PLOD2: variants seen among roughly 807,000 people sequenced by gnomAD.
PLOD2 encodes procollagen-lysine,2-oxoglutarate 5-dioxygenase 2, also known as lysine hydroxylase 2.
PLOD2 carries 65 observed loss-of-function variants against 101.0 expected under a neutral mutation model. That is an observed-to-expected ratio of 0.64 (90% CI 0.53 to 0.79). PLOD2 has a LOEUF of 0.79. Among genes scored for constraint, PLOD2 ranks in the 30% least tolerant of loss-of-function variants. The pLI is 0.00. For synonymous variants in PLOD2, 314 were observed against 302.9 expected, an observed-to-expected ratio of 1.04 and a Z score of -0.38; for missense variants, 909 against 914.6, an observed-to-expected ratio of 0.99 and a Z score of 0.08.
intron 3 of PLOD2, among the ~76,000 whole-genome samples, chr3:146,119,509 G>C (rs923491004): frequency 6.6e-6 from 1 of 151,862 alleles, no homozygotes; most frequent in South Asian, 2.1e-4. Flanking sequence ...AGTTACATAT[G>C]TATACATGTG....
chr3:146,130,429 A>G (rs1264279853), intron 1 of PLOD2, among the ~76,000 whole-genome samples: 1 of 152,206 alleles, frequency 6.6e-6, no homozygotes, highest in African/African-American at 2.4e-5. Flanking sequence ...ATGTGAGATT[A>G]AAGTCTCTCT....
intron 12 of PLOD2, among the ~76,000 whole-genome samples, chr3:146,080,174 A>G (rs923837317): frequency 2.6e-5 from 4 of 151,994 alleles, no homozygotes; most frequent in Admixed American, 6.6e-5. Context: ...AGGGTGATAC[A>G]TTCCATGACC....
intron 4 of PLOD2, among the ~76,000 whole-genome samples, chr3:146,106,855 C>T (rs539517309): frequency 9.9e-5 from 15 of 152,196 alleles, no homozygotes; most frequent in African/African-American, 3.6e-4. Context: ...CTACCAACTG[C>T]AAAACAGAAA....
In PLOD2 at chr3:146,074,454, T is replaced by C. The variant is rs370239690; in HGVS notation, c.1678-1102A>G. Reference sequence around the variant, plus strand: ...ATACCATAATTTATGTCACTGGTTTTGCATATCTGTTTATATGTAACTCAA... The same window carrying C: ...ATACCATAATTTATGTCACTGGTTTCGCATATCTGTTTATATGTAACTCAA... On this transcript the variant is annotated intron_variant, in intron 15 of 19. Coordinates refer to ENST00000282903, the MANE Select transcript of PLOD2 (RefSeq NM_182943.3). Among the ~76,000 whole-genome samples, 78 of 151,598 alleles carry C rather than the reference T, an allele frequency of 5.1e-4. No individual in the cohort carries two copies. In the East Asian group the frequency reaches 0.012, roughly 23 times the overall value.
chr3:146,083,571 C>T (rs369976548), intron 11 of PLOD2, among the ~76,000 whole-genome samples: 3 of 131,944 alleles, frequency 2.3e-5, no homozygotes, highest in Non-Finnish European at 3.2e-5. Context: ...GCAGGTAAGT[C>T]TTTTTCTTTT....
intron 1 of PLOD2, among the ~76,000 whole-genome samples, chr3:146,149,442 A>T (rs1163535036): frequency 6.6e-6 from 1 of 152,124 alleles, no homozygotes; most frequent in Non-Finnish European, 1.5e-5. Flanking sequence ...TTTTATCTCA[A>T]CATGAAAAAA....
Position 146,076,855 on chromosome 3 carries a change from C to T in PLOD2, c.1604G>A (p.Arg535Lys), listed in dbSNP as rs1406434450. 1 of 1,587,330 alleles carries T rather than the reference C, an allele frequency of 6.3e-7. No individual in the cohort carries two copies. The highest frequency in any genetic ancestry group is 8.6e-7 in the Non-Finnish European group (1 of 1,157,252). ...ATTGTAATTAGCAGTGGATAATAGC[C>T]TTCCAAATTCATGTCTATTAGAAAT... is the stretch of plus-strand genomic sequence containing the variant. ...MYISNRHEFGRLLSTANYNTS... is the reference protein window; with the variant it reads ...MYISNRHEFGKLLSTANYNTS... The change falls in exon 15 of 20, where the codon AGG becomes AAG. Residue 535 changes from arginine (R) to lysine (K), a missense_variant. Physicochemically the swap from Arg to Lys is conservative, Grantham distance 26 (BLOSUM62 2). Transcript: ENST00000282903.
intron 1 of PLOD2, among the ~76,000 whole-genome samples, chr3:146,143,184 T>C (rs1405542800): frequency 6.6e-6 from 1 of 151,988 alleles, no homozygotes; most frequent in Non-Finnish European, 1.5e-5. Context: ...TGAATAAACA[T>C]TTAGATAACA....
At chr3:146,081,139 T>C (rs1936526319) in intron 12 of PLOD2, among the ~76,000 whole-genome samples, 1 of 152,170 alleles carries the variant, frequency 6.6e-6, no homozygotes. Flanking sequence ...ACTATTTCAA[T>C]TGTGATTATT....
At chr3:146,114,189 T>G (rs1937783998) in intron 3 of PLOD2, among the ~76,000 whole-genome samples, 1 of 152,050 alleles carries the variant, frequency 6.6e-6, no homozygotes, top group Non-Finnish European at 1.5e-5. Flanking sequence ...AATTTTAATT[T>G]CGCCCCGGTC....
chr3:146,150,165 C>T (rs894684115), intron 1 of PLOD2, among the ~76,000 whole-genome samples: 4 of 152,142 alleles, frequency 2.6e-5, no homozygotes, highest in Non-Finnish European at 2.9e-5. Flanking sequence ...TGTACATACA[C>T]ATATACACAT....
chr3:146,114,398 C>T (rs1468443808), intron 3 of PLOD2, among the ~76,000 whole-genome samples: 1 of 152,052 alleles, frequency 6.6e-6, no homozygotes, highest in Non-Finnish European at 1.5e-5. Context: ...TGGACTAATA[C>T]AGCAAAAGAA....
intron 4 of PLOD2, among the ~76,000 whole-genome samples, chr3:146,108,430 G>A (rs1937573502): frequency 6.6e-6 from 1 of 152,064 alleles, no homozygotes; most frequent in East Asian, 1.9e-4. Flanking sequence ...TCACCTTCCT[G>A]TCTAGGCCTC....
chr3:146,108,447 T>C (rs773295614), intron 4 of PLOD2, among the ~76,000 whole-genome samples: 3 of 152,282 alleles, frequency 2.0e-5, no homozygotes, highest in Non-Finnish European at 4.4e-5. Flanking sequence ...CCTCCCAAAG[T>C]GCTGGGATTA....
At chr3:146,133,824 C>T (rs1489969800) in intron 1 of PLOD2, among the ~76,000 whole-genome samples, 1 of 152,098 alleles carries the variant, frequency 6.6e-6, no homozygotes, top group Non-Finnish European at 1.5e-5. Flanking sequence ...TGAATACAAA[C>T]TCAAAAATGA....
intron 1 of PLOD2, among the ~76,000 whole-genome samples, chr3:146,144,078 G>A (rs372105136): frequency 6.6e-6 from 1 of 152,218 alleles, no homozygotes; most frequent in African/African-American, 2.4e-5. Context: ...ATGCTCAAAT[G>A]TAACCAAAGA....
In PLOD2 at chr3:146,140,430, GC is replaced by G. The variant is rs548705760; in HGVS notation, c.110-16202del. Among the ~76,000 whole-genome samples the G allele has an allele frequency of 4.9e-4, 74 of 152,122 alleles. 1 individual carries two copies. In the South Asian group the frequency reaches 0.015, roughly 30 times the overall value. ...AGGGTAAGCATTCAGTGTTTTGTCA[GC>G]TTCAACGACCTCTCCCCAACAATCC... On this transcript the variant is annotated intron_variant, in intron 1 of 19. Transcript: ENST00000282903.
At chr3:146,111,966 A>G (rs1047501776) in intron 3 of PLOD2, among the ~76,000 whole-genome samples, 3 of 152,192 alleles carry the variant, frequency 2.0e-5, no homozygotes, top group Non-Finnish European at 4.4e-5. Flanking sequence ...AGTGATAAAC[A>G]GACCCTTTGT....
chr3:146,107,794 T>C (rs1041688618), intron 4 of PLOD2, among the ~76,000 whole-genome samples: 1 of 151,706 alleles, frequency 6.6e-6, no homozygotes, highest in Non-Finnish European at 1.5e-5. Context: ...CAGGCACCCA[T>C]CACCATGCCC....
Sources: gnomAD v4.1 joint callset for allele counts (sites outside exome capture counted in the v4.1 genomes callset) on GRCh38, gnomAD v4.1.1 for gene constraint, MANE v1.5 for transcripts, NCBI Gene and HGNC (gene_info 2026-07-23, HGNC 2026-07-21) for gene names.